ZNF804B: variants seen among roughly 807,000 people sequenced by gnomAD.
ZNF804B encodes zinc finger protein 804B.
Under a neutral mutation model 101.4 loss-of-function variants are expected in ZNF804B, and 80 were observed. The observed-to-expected ratio is 0.79, with a 90% CI of 0.66 to 0.95. The LOEUF (loss-of-function observed/expected upper bound fraction) is 0.95. Ranked by LOEUF, ZNF804B falls within the 40% of genes least tolerant of loss-of-function variation. The probability of loss-of-function intolerance (pLI) is 0.00; values close to 1 mark genes in which losing one functional copy is unlikely to be tolerated. For synonymous variants in ZNF804B, 622 were observed against 558.8 expected (o/e 1.11, Z -1.59); for missense variants, 1,673 against 1,561.9 (o/e 1.07, Z -1.20).
intron 1 of ZNF804B, among the ~76,000 whole-genome samples, chr7:88,789,033 T>C (rs1562793735): frequency 6.6e-6 from 1 of 152,168 alleles, no homozygotes; most frequent in African/African-American, 2.4e-5. Flanking sequence ...TTTACATTTC[T>C]GCCTATATAG....
At chr7:89,143,868 A>T (rs1335532751) in intron 1 of ZNF804B, among the ~76,000 whole-genome samples, 1 of 151,920 alleles carries the variant, frequency 6.6e-6, no homozygotes, top group African/African-American at 2.4e-5. Flanking sequence ...CTTTTTGAAA[A>T]CCCCTTGTAT....
intron 1 of ZNF804B, among the ~76,000 whole-genome samples, chr7:88,967,935 C>A (rs769208262): frequency 6.6e-6 from 1 of 151,478 alleles, no homozygotes; most frequent in Non-Finnish European, 1.5e-5. Context: ...ACACCTTCAT[C>A]TGATCTTGGA....
At chr7:88,821,454 G>T (rs1790979778) in intron 1 of ZNF804B, among the ~76,000 whole-genome samples, 1 of 152,094 alleles carries the variant, frequency 6.6e-6, no homozygotes, top group African/African-American at 2.4e-5. Context: ...TTCCAATACG[G>T]ATATACTTTA....
In ZNF804B at chr7:88,790,671, A is replaced by G. The variant is rs141846997; in HGVS notation, c.108+30587A>G. Among the ~76,000 whole-genome samples the G allele has an allele frequency of 2.6e-5, 4 of 151,978 alleles. 1 individual carries two copies. The East Asian group carries it at 7.8e-4, about 29-fold the overall frequency. ...CACATATCACATATACATATATCAC[A>G]TTTTCTTTATCCAGTCTATCACTGA... On this transcript the variant is annotated intron_variant, in intron 1 of 3. Coordinates refer to ENST00000333190, the MANE Select transcript of ZNF804B (RefSeq NM_181646.5).
At chr7:89,118,114 AAACT>A (rs1258243663) in intron 1 of ZNF804B, among the ~76,000 whole-genome samples, 1 of 152,158 alleles carries the variant, frequency 6.6e-6, no homozygotes, top group African/African-American at 2.4e-5. Flanking sequence ...CACATCCTGA[AAACT>A]AACTGACTTT....
In ZNF804B at chr7:89,232,406, C is replaced by T. The variant is rs186012304; in HGVS notation, c.249+14111C>T. 7.7e-4 allele frequency among the ~76,000 whole-genome samples: 117 copies of T among 152,182 alleles called. 4 individuals are homozygous for T. In the East Asian group the frequency reaches 0.02, roughly 26 times the overall value. ...TCACTTTCTTGAGATATGTGTGTGG[C>T]TCTGGTATCGAATACTAGAATTAGA... On this transcript the variant is annotated intron_variant, in intron 2 of 3. Coordinates refer to ENST00000333190, the MANE Select transcript of ZNF804B (RefSeq NM_181646.5).
intron 1 of ZNF804B, among the ~76,000 whole-genome samples, chr7:89,013,915 C>T (rs1272720610): frequency 6.6e-6 from 1 of 152,308 alleles, no homozygotes; most frequent in Middle Eastern, 3.4e-3. Context: ...ACCGCAGGGT[C>T]ATTTATGTCA....
intron 1 of ZNF804B, among the ~76,000 whole-genome samples, chr7:89,195,610 T>C: frequency 7.0e-6 from 1 of 142,620 alleles, no homozygotes; most frequent in East Asian, 2.1e-4. Context: ...GAGAATAAAA[T>C]ACCTAGGAAT....
intron 1 of ZNF804B, among the ~76,000 whole-genome samples, chr7:88,894,761 C>T (rs139338175): frequency 2.0e-5 from 3 of 151,936 alleles, no homozygotes; most frequent in East Asian, 3.9e-4. Flanking sequence ...TCTAAATAGG[C>T]TATATACTGC....
At chr7:89,265,265 AGTGTGT>A (rs71102029) in intron 2 of ZNF804B, among the ~76,000 whole-genome samples, 7,674 of 145,184 alleles carry the variant, frequency 0.053, 220 homozygotes, top group African/African-American at 0.066. Context: ...AGGTTAAGTC[AGTGTGT>A]GTGTGTGTGT....
chr7:89,294,826 T>A (rs1562939388), intron 2 of ZNF804B, among the ~76,000 whole-genome samples: 1 of 152,138 alleles, frequency 6.6e-6, no homozygotes, highest in Non-Finnish European at 1.5e-5. Flanking sequence ...GCTCCATTCA[T>A]TCTGACATTC....
Position 89,334,001 on chromosome 7 carries a change from G to C in ZNF804B, c.1019G>C (p.Ser340Thr). 1 of 1,613,326 alleles carries C rather than the reference G, an allele frequency of 6.2e-7. No individual in the cohort carries two copies. The highest frequency in any genetic ancestry group is 1.7e-4 in the Middle Eastern group (1 of 6,056). The change falls in exon 4 of 4, where the codon AGC becomes ACC. Residue 340 changes from serine to threonine, a missense_variant. Physicochemically the swap from Ser to Thr is moderately conservative, Grantham distance 58 (BLOSUM62 1). Coordinates refer to ENST00000333190, the MANE Select transcript of ZNF804B (RefSeq NM_181646.5). ...TCAGATGTAGATTTTACTCCTACCA[G>C]CAGAGAAAAAGAAACTAGAAATACA... ...HLSDVDFTPT[S>T]REKETRNTLK... is the part of the protein sequence containing the mutation.
chr7:89,261,175 T>C (rs949483857), intron 2 of ZNF804B, among the ~76,000 whole-genome samples: 3 of 152,160 alleles, frequency 2.0e-5, no homozygotes, highest in Non-Finnish European at 4.4e-5. Context: ...TGCTTTACTA[T>C]TGCATCTGTA....
At chr7:89,116,815 T>TATAGTAAG (rs1312868662) in intron 1 of ZNF804B, among the ~76,000 whole-genome samples, 2 of 152,210 alleles carry the variant, frequency 1.3e-5, no homozygotes, top group Non-Finnish European at 2.9e-5. Context: ...TAGAGTGCTA[T>TATAGTAAG]ATAGTAAGTT....
chr7:88,852,135 AC>A (rs1334219408), intron 1 of ZNF804B, among the ~76,000 whole-genome samples: 3 of 152,120 alleles, frequency 2.0e-5, no homozygotes, highest in African/African-American at 7.2e-5. Flanking sequence ...AGTTAAAAAC[AC>A]AATTCAGCAT....
chr7:89,293,425 TAAATA>T (rs2115902495), intron 2 of ZNF804B, among the ~76,000 whole-genome samples: 1 of 152,296 alleles, frequency 6.6e-6, no homozygotes, highest in South Asian at 2.1e-4. Context: ...AGTAAATTTT[TAAATA>T]AATAAACTGT....
intron 1 of ZNF804B, among the ~76,000 whole-genome samples, chr7:89,096,047 C>A (rs1333779243): frequency 6.6e-6 from 1 of 151,038 alleles, no homozygotes; most frequent in South Asian, 2.1e-4. Flanking sequence ...CCCAGCTACT[C>A]GGGAGGCTGA....
chr7:89,131,226 C>G (rs1470076581), intron 1 of ZNF804B, among the ~76,000 whole-genome samples: 1 of 151,932 alleles, frequency 6.6e-6, no homozygotes. Flanking sequence ...CTGCTTTGTT[C>G]TAATTTAAAA....
Position 89,335,058 on chromosome 7 carries a change from A to G in ZNF804B, c.2076A>G (p.Gly692=). 6.2e-7 allele frequency: 1 copy of G among 1,613,856 alleles called. No individual in the cohort carries two copies. Among genetic ancestry groups the G allele is most frequent in the Non-Finnish European group, 8.5e-7 (1 of 1,179,916 alleles). Residue 692 remains glycine (G), a synonymous_variant, in exon 4 of 4, where the codon GGA becomes GGG. Transcript: ENST00000333190. ...ISMTSKVSGC[G]NQRYKRYSPQ... is the part of the protein sequence containing the mutation. The stretch of plus-strand genomic sequence containing the variant: ...TGACCAGCAAGGTTTCCGGATGTGG[A>G]AACCAAAGATACAAGAGATACTCTC...
Sources: allele counts gnomAD v4.1 joint callset (sites outside exome capture counted in the v4.1 genomes callset), GRCh38; gene constraint gnomAD v4.1.1; transcripts MANE v1.5; gene names NCBI Gene and HGNC (gene_info 2026-07-23, HGNC 2026-07-21).